Variants in ELMO2 observed in about 807,000 individuals in gnomAD.
ELMO2 encodes engulfment and cell motility protein 2.
In ELMO2, 37 loss-of-function variants were observed where a neutral mutation model predicts 96.2. The ratio of observed to expected loss-of-function variants is 0.38; its 90% CI spans 0.30 to 0.51. ELMO2 has a LOEUF of 0.51. Among genes scored for constraint, ELMO2 ranks in the 20% least tolerant of loss-of-function variants. The pLI is 0.88. For missense variants in ELMO2, 561 were observed against 912.6 expected (o/e 0.61, Z 4.96); for synonymous variants, 315 against 329.4 (o/e 0.96, Z 0.47).
intron 1 of ELMO2, among the ~76,000 whole-genome samples, chr20:46,404,630 A>G (rs2060394890): frequency 6.6e-6 from 1 of 152,220 alleles, no homozygotes; most frequent in Non-Finnish European, 1.5e-5. Context: ...GTACAGCCCA[A>G]TACCACAATC....
Position 46,387,423 on chromosome 20 carries a change from A to T in ELMO2, c.440T>A (p.Leu147Gln), listed in dbSNP as rs944993339. ...TAGGAAGGCAGTCAGGGTGAATGCC[A>T]GCATCTCACTGTAGCTGAGACACGT... ...TKLLSHYSEM[L>Q]AFTLTAFLEL... Residue 147 changes from leucine (L) to glutamine (Q), a missense_variant, in exon 8 of 22, where the codon CTG becomes CAG. Transcript: ENST00000290246. 6.2e-7 allele frequency: 1 copy of T among 1,613,764 alleles called. No individual in the cohort carries two copies. Among genetic ancestry groups the T allele is most frequent in the Non-Finnish European group, 8.5e-7 (1 of 1,179,710 alleles).
chr20:46,384,057 A>T (rs895504560), intron 9 of ELMO2, among the ~76,000 whole-genome samples: 13 of 152,234 alleles, frequency 8.5e-5, no homozygotes, highest in African/African-American at 2.7e-4. Context: ...AAGGTGTATT[A>T]TTCAGTTAAA....
chr20:46,405,065 T>C (rs1469766250), intron 1 of ELMO2, among the ~76,000 whole-genome samples: 30 of 152,330 alleles, frequency 2.0e-4, no homozygotes, highest in Non-Finnish European at 4.4e-5. Flanking sequence ...TAAATATTTA[T>C]ATTGCCTGGC....
In ELMO2 at chr20:46,368,746, C is replaced by G. The variant is rs551518892; in HGVS notation, c.1962+145G>C. The G allele has an allele frequency of 1.9e-5, 15 of 798,156 alleles. No individual in the cohort carries two copies. The South Asian group carries it at 2.4e-4, about 13-fold the overall frequency. 49.4% of individuals were successfully genotyped at this position (798,156 alleles called of 1,614,324 possible). A position where few individuals can be genotyped will look rare whatever the true frequency, so the allele number is the denominator to read the frequency against. ...GAGACATTCCCATCCTATTGAAATG[C>G]CACCTTCTTCTCAAAGCCTTCCTAG... On this transcript the variant is annotated intron_variant, in intron 21 of 21. Coordinates refer to ENST00000290246, the MANE Select transcript of ELMO2 (RefSeq NM_133171.5).
chr20:46,387,282 G>T (rs1295152497), intron 8 of ELMO2, 56 bp downstream of exon 8: 2 of 1,487,398 alleles, frequency 1.3e-6, no homozygotes, highest in Non-Finnish European at 1.9e-6. Context: ...CTCCCCTTAA[G>T]CCTTGTGAAC....
At chr20:46,392,445 A>G (rs903908523) in intron 6 of ELMO2, among the ~76,000 whole-genome samples, 3 of 152,174 alleles carry the variant, frequency 2.0e-5, no homozygotes, top group Non-Finnish European at 4.4e-5. Context: ...GGTTCCTACT[A>G]CCACCAACCT....
chr20:46,400,881 C>T (rs1344291355), intron 1 of ELMO2, among the ~76,000 whole-genome samples: 2 of 152,222 alleles, frequency 1.3e-5, no homozygotes, highest in East Asian at 1.9e-4. Flanking sequence ...GTGACTGCTG[C>T]TTCACGGAGC....
chr20:46,371,890 A>G lies in ELMO2; in HGVS notation c.1496T>C (p.Leu499Ser). ...PNSLDQFKSKLRSLSYSEILR... is the reference protein window; with the variant it reads ...PNSLDQFKSKSRSLSYSEILR... ...AATCTCAGAGTAACTCAGGCTACGC[A>G]ATTTGCTCTTGAACTGATCCAAAGA... Residue 499 changes from leucine (L) to serine (S), a missense_variant, in exon 17 of 22, where the codon TTG becomes TCG. Transcript: ENST00000290246. The surrounding 1 kb of genome is among the most constrained non-coding windows in gnomAD (Gnocchi z 5.9). 1 of 1,614,206 alleles carries G rather than the reference A, an allele frequency of 6.2e-7. No individual in the cohort carries two copies. The highest frequency in any genetic ancestry group is 8.5e-7 in the Non-Finnish European group (1 of 1,180,042).
chr20:46,380,915 T>C (rs1600845983), intron 10 of ELMO2, among the ~76,000 whole-genome samples: 1 of 152,252 alleles, frequency 6.6e-6, no homozygotes. Context: ...TTGATAGTTA[T>C]GCTTTATTTA....
intron 1 of ELMO2, among the ~76,000 whole-genome samples, chr20:46,403,409 T>C (rs576216893): frequency 6.6e-6 from 1 of 152,338 alleles, no homozygotes; most frequent in South Asian, 2.1e-4. Context: ...CAGCATAGCA[T>C]GCCTAATAGG....
At position 46,375,455 on chromosome 20, in the gene ELMO2, C is replaced by T; in HGVS notation, c.931-85G>A. ...AAACAGTGGGTCAGGCTTTTCTGGG[C>T]CAAACTTTGGCCCCAATCAATCCCT... On this transcript the variant is annotated intron_variant, in intron 12 of 21. Coordinates refer to ENST00000290246, the MANE Select transcript of ELMO2 (RefSeq NM_133171.5). This position sits in a 1 kb window ranked among gnomAD's most constrained non-coding sequence, Gnocchi z 4.6. 1.3e-6 allele frequency: 2 copies of T among 1,557,876 alleles called. No homozygotes were observed. Among genetic ancestry groups the T allele is most frequent in the Non-Finnish European group, 1.7e-6 (2 of 1,149,250 alleles).
intron 2 of ELMO2, among the ~76,000 whole-genome samples, chr20:46,397,590 G>A (rs1423132452): frequency 6.6e-6 from 1 of 152,174 alleles, no homozygotes; most frequent in Non-Finnish European, 1.5e-5. Context: ...AGGACAGCTT[G>A]AACCCAGGAG....
rs750535252 is a variant in ELMO2, at chr20:46,389,188, G to A, written c.276C>T (p.Thr92=). ...SRAARQLMER[T]QSSNMETRLD... is the part of the protein sequence containing the mutation. ...GCCGGGTCTCCATGTTGGATGACTG[G>A]GTCCTCTCCATCAGCTGGCGTGCAG... The change falls in exon 7 of 22, where the codon ACC becomes ACT. Residue 92 remains threonine (T), a synonymous_variant. Transcript: ENST00000290246. The A allele has an allele frequency of 6.2e-7, 1 of 1,614,144 alleles. No homozygotes were observed. The highest frequency in any genetic ancestry group is 1.3e-5 in the African/African-American group (1 of 75,042).
chr20:46,386,023 T>C (rs2145815841), intron 9 of ELMO2, 101 bp downstream of exon 9: 1 of 1,355,966 alleles, frequency 7.4e-7, no homozygotes, highest in Non-Finnish European at 1.0e-6. Context: ...AACCAACAGC[T>C]TGGAATATAA....
chr20:46,387,627 C>T (rs747622129), intron 7 of ELMO2, 190 bp from the exon 8 acceptor site: 22 of 162,820 alleles, frequency 1.4e-4, no homozygotes, highest in Non-Finnish European at 1.9e-4. Flanking sequence ...AGGTATCTAT[C>T]GCTGCAAAAA....
In ELMO2 at chr20:46,380,235, C is replaced by T. The variant is rs2059932066; in HGVS notation, c.807+18G>A. ...TGTTGTTAATAGTAATAAAATACAG[C>T]ATGTTCCAGGAACTCACATTCAGGA... is the stretch of plus-strand genomic sequence containing the variant. On this transcript the variant is annotated intron_variant, in intron 11 of 21. Coordinates refer to ENST00000290246, the MANE Select transcript of ELMO2 (RefSeq NM_133171.5). The T allele has an allele frequency of 6.3e-7, 1 of 1,599,284 alleles. No homozygotes were observed. Among genetic ancestry groups the T allele is most frequent in the Non-Finnish European group, 8.6e-7 (1 of 1,167,206 alleles).
rs753059136 is a variant in ELMO2 at position 46,375,323 on chromosome 20, T to C, written c.978A>G (p.Ala326=). The change falls in exon 13 of 22, where the codon GCA becomes GCG. Residue 326 remains alanine (A), a synonymous_variant. Coordinates refer to ENST00000290246, the MANE Select transcript of ELMO2 (RefSeq NM_133171.5). This position sits in a 1 kb window ranked among gnomAD's most constrained non-coding sequence, Gnocchi z 4.6. ...CAGGGGCATTGCTAGGATCAGACTC[T>C]GCGTCAAATGCAATCCTCCTCAGTT... The part of the protein sequence containing the change: ...IFELRRIAFD[A]ESDPSNAPGS... 1.2e-5 allele frequency: 19 copies of C among 1,614,230 alleles called. No individual in the cohort carries two copies. In the Middle Eastern group the frequency reaches 8.2e-4, roughly 70 times the overall value.
intron 7 of ELMO2, 34 bp downstream of exon 7, chr20:46,389,005 G>T (rs757420178): frequency 6.3e-7 from 1 of 1,594,784 alleles, no homozygotes; most frequent in Non-Finnish European, 8.6e-7. Flanking sequence ...GTAAATCGTC[G>T]AAGTCCTTGG....
chr20:46,388,027 C>T (rs2060080939), intron 7 of ELMO2, among the ~76,000 whole-genome samples: 1 of 152,206 alleles, frequency 6.6e-6, no homozygotes, highest in Non-Finnish European at 1.5e-5. Context: ...AATGTTTTCT[C>T]TTTTTTCTCT....
Sources: gnomAD v4.1 joint callset for allele counts (sites outside exome capture counted in the v4.1 genomes callset) on GRCh38, gnomAD v4.1.1 for gene constraint, Gnocchi (gnomAD v3.1) non-coding constraint, MANE v1.5 for transcripts, NCBI Gene and HGNC (gene_info 2026-07-23, HGNC 2026-07-21) for gene names.